Variants in ACP5 observed in about 807,000 individuals in gnomAD.
ACP5 encodes the protein tartrate-resistant acid phosphatase type 5.
Under a neutral mutation model 28.7 loss-of-function variants are expected in ACP5, and 24 were observed. The observed-to-expected ratio is 0.84, with a 90% CI of 0.61 to 1.18. The LOEUF is 1.18. Ranked by LOEUF, ACP5 falls within the 50% of genes most tolerant of loss-of-function variation. The pLI, the probability that ACP5 is intolerant of heterozygous loss-of-function variation, is 0.00. For missense variants in ACP5, 354 were observed against 422.2 expected (o/e 0.84, Z 1.42); for synonymous variants, 154 against 181.4 (o/e 0.85, Z 1.21).
chr19:11,577,029 C>T lies in ACP5; in HGVS notation c.261+28G>A, dbSNP rs1441794976. On this transcript the variant is annotated intron_variant, in intron 2 of 4. Coordinates refer to ENST00000648477, the MANE Select transcript of ACP5 (RefSeq NM_001611.5). This position sits in a 1 kb window ranked among gnomAD's most constrained non-coding sequence, Gnocchi z 5.7. ...GCTTCTCCCCACTGCCCGCCCCCAC[C>T]TCCTGCCCCACTCTGTTGGGCACAG... The T allele has an allele frequency of 1.9e-6, 3 of 1,614,014 alleles. No individual in the cohort carries two copies. Among genetic ancestry groups the T allele is most frequent in the Admixed American group, 1.7e-5 (1 of 59,994 alleles).
chr19:11,578,538 G>A (rs892280287), upstream of ACP5: 2 of 152,310 alleles, frequency 1.3e-5, no homozygotes, highest in African/African-American at 4.8e-5. Flanking sequence ...CGCAGCCTGG[G>A]AGGGCAGGAG....
rs779737292 is a variant in ACP5, at chr19:11,577,432, G to A, written c.1-115C>T. On this transcript the variant is annotated intron_variant, in intron 1 of 4. Transcript: ENST00000648477. The surrounding 1 kb of genome is among the most constrained non-coding windows in gnomAD (Gnocchi z 5.7). ...ACTGCTTGCTGCAGGCTGCCCCTGC[G>A]GGAACCCCTTGGTGCCCTAATTCTC... 4.6e-4 allele frequency: 572 copies of A among 1,238,118 alleles called. 2 individuals are homozygous for A. The highest frequency in any genetic ancestry group is 4.7e-4 in the Non-Finnish European group (408 of 867,364). The allele number at this position is 1,238,118 out of a possible 1,614,324, so 76.7% of individuals were successfully genotyped here.
rs2145089685 is a variant in ACP5 at position 11,576,572 on chromosome 19, A to G, written c.406T>C (p.Phe136Leu). 1 of 1,613,632 alleles carries G rather than the reference A, an allele frequency of 6.2e-7. No individual in the cohort carries two copies. The highest frequency in any genetic ancestry group is 8.5e-7 in the Non-Finnish European group (1 of 1,179,704). Residue 136 changes from phenylalanine to leucine, a missense_variant, in exon 4 of 5, where the codon TTC (phenylalanine) becomes CTC (leucine). Transcript: ENST00000648477. Reference sequence around the variant, plus strand: ...GGGATCTTGAAGTGCAGGCGGTAGAAAGGGCTGGGGAAGTTCCTGTGGAGG... The same window carrying G: ...GGGATCTTGAAGTGCAGGCGGTAGAGAGGGCTGGGGAAGTTCCTGTGGAGG... ...ISKRWNFPSPFYRLHFKIPQT... is the reference protein window; with the variant it reads ...ISKRWNFPSPLYRLHFKIPQT...
rs1243676385 is a variant in ACP5 at position 11,576,580 on chromosome 19, G to C, written c.398C>G (p.Pro133Arg). The change falls in exon 4 of 5, where the codon CCC (proline) becomes CGC (arginine). Residue 133 changes from proline (P) to arginine (R), a missense_variant. By Grantham distance (103) the Pro-to-Arg change is moderately radical. Transcript: ENST00000648477. Reference sequence around the variant, plus strand: ...GAAGTGCAGGCGGTAGAAAGGGCTGGGGAAGTTCCTGTGGAGGGGATAGAG... The same window carrying C: ...GAAGTGCAGGCGGTAGAAAGGGCTGCGGAAGTTCCTGTGGAGGGGATAGAG... ...YSKISKRWNF[P>R]SPFYRLHFKI... is the part of the protein sequence containing the mutation. 10 of 1,613,764 alleles carry C rather than the reference G, an allele frequency of 6.2e-6. No individual in the cohort carries two copies. Among genetic ancestry groups the C allele is most frequent in the Middle Eastern group, 1.6e-4 (1 of 6,062 alleles).
At position 11,575,073 on chromosome 19, in the gene ACP5, A is replaced by G; in HGVS notation, c.915T>C (p.Thr305=). ...VEISSKEMTV[T]YIEASGKSLF... is the part of the protein sequence containing the mutation. The stretch of plus-strand genomic sequence containing the variant: ...GGGACTTGCCCGAGGCCTCGATGTA[A>G]GTGACAGTCATCTCTTTGGAGCTGA... The change falls in exon 5 of 5, where the codon ACT becomes ACC. Residue 305 remains threonine, a synonymous_variant. Coordinates refer to ENST00000648477, the MANE Select transcript of ACP5 (RefSeq NM_001611.5). 1.2e-6 allele frequency: 2 copies of G among 1,614,184 alleles called. No individual in the cohort carries two copies.
At chr19:11,576,623 T>C in intron 3 of ACP5, 35 bp from the exon 4 acceptor site, 1 of 1,613,326 alleles carries the variant, frequency 6.2e-7, no homozygotes, top group East Asian at 2.2e-5. Context: ...GTGCACATCT[T>C]GGGCGCAGAA....
In ACP5 at chr19:11,575,192, G is replaced by T; in HGVS notation, c.796C>A (p.Pro266Thr). The change falls in exon 5 of 5, where the codon CCC becomes ACC. Residue 266 changes from proline to threonine, a missense_variant. Coordinates refer to ENST00000648477, the MANE Select transcript of ACP5 (RefSeq NM_001611.5). ...ACCTTGCGCTGGTGCCGCTTTGAGG[G>T]GTCCATGAAATTCCCAGCCCCACTC... ...VLSGAGNFMD[P>T]SKRHQRKVPN... 1 of 1,614,046 alleles carries T rather than the reference G, an allele frequency of 6.2e-7. No homozygotes were observed. The highest frequency in any genetic ancestry group is 8.5e-7 in the Non-Finnish European group (1 of 1,180,034).
Position 11,577,109 on chromosome 19 carries a change from C to T in ACP5, c.209G>A (p.Gly70Glu). ...ILGADFILSL[G>E]DNFYFTGVQD... ...CACACCAGTGAAGTAAAAATTGTCC[C>T]CTAGAGACAGGATGAAGTCTGCACC... Residue 70 changes from glycine (G) to glutamate (E), a missense_variant, in exon 2 of 5, where the codon GGG becomes GAG. Gly to Glu is a moderately conservative substitution (Grantham distance 98). Coordinates refer to ENST00000648477, the MANE Select transcript of ACP5 (RefSeq NM_001611.5). The surrounding 1 kb of genome is among the most constrained non-coding windows in gnomAD (Gnocchi z 5.7). 1 of 1,614,134 alleles carries T rather than the reference C, an allele frequency of 6.2e-7. No individual in the cohort carries two copies. Among genetic ancestry groups the T allele is most frequent in the Non-Finnish European group, 8.5e-7 (1 of 1,180,030 alleles).
upstream of ACP5, chr19:11,577,915 GT>G (rs2145096244): frequency 4.9e-6 from 1 of 203,508 alleles, no homozygotes; most frequent in East Asian, 1.2e-4. The surrounding 1 kb of genome is among the most constrained non-coding windows in gnomAD (Gnocchi z 5.7). Context: ...ATCTCTGTGT[GT>G]CTGTGTATCT....
At position 11,575,070 on chromosome 19, in the gene ACP5, G is replaced by GT. The variant is rs1568427567; in HGVS notation, c.917dup (p.Tyr306Ter). 1.2e-6 allele frequency: 2 copies of GT among 1,614,216 alleles called. No individual in the cohort carries two copies. Among genetic ancestry groups the GT allele is most frequent in the South Asian group, 2.2e-5 (2 of 91,088 alleles). ...AGAGGGACTTGCCCGAGGCCTCGAT[G>GT]TAAGTGACAGTCATCTCTTTGGAGC... ...EISSKEMTVT[Y>*]IEASGKSLFK... is the part of the protein sequence containing the mutation. The change falls in exon 5 of 5, where the codon TAC becomes TAAC. Residue 306 changes from tyrosine (Y) to a stop codon, truncating the protein, a stop_gained and frameshift_variant. Transcript: ENST00000648477. LOFTEE classifies it high-confidence loss of function.
rs1253165772 is a variant in ACP5 at position 11,576,246 on chromosome 19, C to T, written c.732G>A (p.Leu244=). ...ACCCCACCCACAGGGCCCTCACCTG[C>T]AGATTGTGATCGTGGCCGCACAGGT... ...TAYLCGHDHN[L]QYLQDENGVG... is the part of the protein sequence containing the mutation. The change falls in exon 4 of 5, where the codon CTG becomes CTA. Residue 244 remains leucine (L), a synonymous_variant. Coordinates refer to ENST00000648477, the MANE Select transcript of ACP5 (RefSeq NM_001611.5). 1.9e-6 allele frequency: 3 copies of T among 1,605,266 alleles called. No homozygotes were observed. The highest frequency in any genetic ancestry group is 2.2e-5 in the East Asian group (1 of 44,884).
upstream of ACP5, chr19:11,578,343 T>C (rs3760780): frequency 0.44 from 66,601 of 152,098 alleles, 15,959 homozygotes; most frequent in African/African-American, 0.63. Context: ...CCTCTCTCCA[T>C]CCCACACATA....
At chr19:11,577,961 G>A (rs956362240), upstream of ACP5, 2 of 166,352 alleles carry the variant, frequency 1.2e-5, no homozygotes, top group African/African-American at 4.8e-5. The surrounding 1 kb of genome is among the most constrained non-coding windows in gnomAD (Gnocchi z 5.7). Flanking sequence ...ACACTTGAGA[G>A]GCTGTGGCTG....
intron 4 of ACP5, 58 bp downstream of exon 4, chr19:11,576,185 A>G: frequency 6.9e-7 from 1 of 1,452,112 alleles, no homozygotes; most frequent in Non-Finnish European, 9.4e-7. Context: ...CCATGTGGAC[A>G]TCAGCTGGGA....
chr19:11,577,276 C>T lies in ACP5; in HGVS notation c.42G>A (p.Leu14=), dbSNP rs949066797. The part of the protein sequence containing the change: ...WTALLILQAL[L]LPSLADGATP... ...TGGCACCATCAGCCAGGGAGGGTAG[C>T]AACAAGGCTTGCAGGATGAGCAGCG... is the stretch of plus-strand genomic sequence containing the variant. Residue 14 remains leucine (L), a synonymous_variant, in exon 2 of 5, where the codon TTG becomes TTA. Coordinates refer to ENST00000648477, the MANE Select transcript of ACP5 (RefSeq NM_001611.5). The surrounding 1 kb of genome is among the most constrained non-coding windows in gnomAD (Gnocchi z 5.7). The T allele has an allele frequency of 2.5e-6, 4 of 1,614,142 alleles. No individual in the cohort carries two copies. Among genetic ancestry groups the T allele is most frequent in the Non-Finnish European group, 3.4e-6 (4 of 1,180,002 alleles).
In ACP5 at chr19:11,577,049, G is replaced by A. The variant is rs1973192465; in HGVS notation, c.261+8C>T. On this transcript the variant is annotated splice_region_variant and intron_variant, in intron 2 of 4. Transcript: ENST00000648477. This position sits in a 1 kb window ranked among gnomAD's most constrained non-coding sequence, Gnocchi z 5.7. ...CCCACCTCCTGCCCCACTCTGTTGG[G>A]CACAGACCTGGAACCTCTTGTCATT... 6.2e-7 allele frequency: 1 copy of A among 1,613,970 alleles called. No individual in the cohort carries two copies. The highest frequency in any genetic ancestry group is 8.5e-7 in the Non-Finnish European group (1 of 1,180,002).
At chr19:11,578,437 GGCA>G (rs1369735003), upstream of ACP5, 1 of 152,472 alleles carries the variant, frequency 6.6e-6, no homozygotes, top group African/African-American at 2.4e-5. Flanking sequence ...GGAGGAACCA[GGCA>G]GGAGGCAGCT....
chr19:11,577,965 G>C (rs1327847083), upstream of ACP5: 2 of 165,568 alleles, frequency 1.2e-5, no homozygotes, highest in African/African-American at 4.8e-5. The surrounding 1 kb of genome is among the most constrained non-coding windows in gnomAD (Gnocchi z 5.7). Context: ...TTGAGAGGCT[G>C]TGGCTGTGAT....
At position 11,575,270 on chromosome 19, in the gene ACP5, G is replaced by A. The variant is rs751295033; in HGVS notation, c.736-18C>T. ...TGCAGGTACTGAGGATGGAGGACAA[G>A]GGGTCAGTGGAGACCCAGCTTTGAG... On this transcript the variant is annotated intron_variant, in intron 4 of 4. Coordinates refer to ENST00000648477, the MANE Select transcript of ACP5 (RefSeq NM_001611.5). 21 of 1,613,050 alleles carry A rather than the reference G, an allele frequency of 1.3e-5. No individual in the cohort carries two copies. Among genetic ancestry groups the A allele is most frequent in the South Asian group, 1.1e-4 (10 of 91,076 alleles).
Sources: gnomAD v4.1 joint callset for allele counts on GRCh38, gnomAD v4.1.1 for gene constraint, Gnocchi (gnomAD v3.1) non-coding constraint, MANE v1.5 for transcripts, NCBI Gene and HGNC (gene_info 2026-07-23, HGNC 2026-07-21) for gene names.